The following SPTBN1 variants were observed in gnomAD, a reference collection of about 807,000 sequenced individuals.
The protein encoded by SPTBN1 is spectrin beta, non-erythrocytic 1, also known as spectrin beta chain, non-erythrocytic 1.
A neutral mutation model predicts 266.4 loss-of-function variants in SPTBN1; 32 were observed. The observed-to-expected ratio is 0.12, with a 90% CI of 0.09 to 0.16. SPTBN1 has a LOEUF of 0.16. Ranked by LOEUF, SPTBN1 falls within the 10% of genes least tolerant of loss-of-function variation. The probability of loss-of-function intolerance (pLI) is 1.00; values close to 1 mark genes in which losing one functional copy is unlikely to be tolerated. For missense variants in SPTBN1, 2,296 were observed against 3,067.1 expected (o/e 0.75, Z 5.94); for synonymous variants, 1,336 against 1,162.2 (o/e 1.15, Z -3.04).
chr2:54,474,927 C>G (rs1340055079), intron 1 of SPTBN1, among the ~76,000 whole-genome samples: 1 of 152,138 alleles, frequency 6.6e-6, no homozygotes. Flanking sequence ...AATCCCAGCA[C>G]TTTGGGAGGC....
At chr2:54,587,585 G>A (rs1023215098) in intron 2 of SPTBN1, among the ~76,000 whole-genome samples, 2 of 152,278 alleles carry the variant, frequency 1.3e-5, no homozygotes, top group South Asian at 2.1e-4. Flanking sequence ...CCCTTCCATG[G>A]AGGACTGGAG....
intron 1 of SPTBN1, among the ~76,000 whole-genome samples, chr2:54,512,087 A>G (rs1219674477): frequency 1.3e-5 from 2 of 152,188 alleles, no homozygotes; most frequent in Admixed American, 6.5e-5. Flanking sequence ...CTGTAATGCC[A>G]CCATGAATCT....
Position 54,533,420 on chromosome 2 carries a change from C to T in SPTBN1, c.148+6854C>T, listed in dbSNP as rs369576966. On this transcript the variant is annotated intron_variant, in intron 2 of 35. Coordinates refer to ENST00000356805, the MANE Select transcript of SPTBN1 (RefSeq NM_003128.3). The surrounding 1 kb of genome is among the most constrained non-coding windows in gnomAD (Gnocchi z 4.2). Reference sequence around the variant, plus strand: ...TCTAAACCATTTGACTTCTAGTGAACGAACAGAGCCAACCTCTTCCTGAAT... The same window carrying T: ...TCTAAACCATTTGACTTCTAGTGAATGAACAGAGCCAACCTCTTCCTGAAT... 1.3e-5 allele frequency among the ~76,000 whole-genome samples: 2 copies of T among 149,494 alleles called. No individual in the cohort carries two copies. Among genetic ancestry groups the T allele is most frequent in the Non-Finnish European group, 3.0e-5 (2 of 67,556 alleles).
chr2:54,653,594 T>C lies in SPTBN1; in HGVS notation c.5578-15T>C, dbSNP rs2104143250. ...CCATGGGCTGACCTGGCTCATCCCC[T>C]ACATGGCTTCACAGGTGAGGCAGCT... On this transcript the variant is annotated splice_polypyrimidine_tract_variant and intron_variant, in intron 26 of 35. Coordinates refer to ENST00000356805, the MANE Select transcript of SPTBN1 (RefSeq NM_003128.3). This position sits in a 1 kb window ranked among gnomAD's most constrained non-coding sequence, Gnocchi z 5.1. 1.2e-6 allele frequency: 2 copies of C among 1,612,644 alleles called. No homozygotes were observed. The highest frequency in any genetic ancestry group is 1.3e-5 in the African/African-American group (1 of 74,942).
rs201593292 is a variant in SPTBN1 at position 54,659,166 on chromosome 2, G to C, written c.6256G>C (p.Glu2086Gln). Residue 2086 changes from glutamate to glutamine, a missense_variant, in exon 31 of 36, where the codon GAA becomes CAA. Physicochemically the swap from Glu to Gln is conservative, Grantham distance 29. This residue lies in a region of SPTBN1 where 347 missense variants were observed against 368.5 expected (regional missense o/e 0.94). Transcript: ENST00000356805. ...TATTTTCTCTTAGTTGGAGTTACTG[G>C]AAGTGCGCAGACAGCAAGAGGAAGA... ...LERLTTLELL[E>Q]VRRQQEEEER... 24 of 1,614,014 alleles carry C rather than the reference G, an allele frequency of 1.5e-5. No individual in the cohort carries two copies. Among genetic ancestry groups the C allele is most frequent in the Non-Finnish European group, 2.0e-5 (24 of 1,179,960 alleles).
chr2:54,466,956 T>G (rs906774161), intron 1 of SPTBN1, among the ~76,000 whole-genome samples: 1 of 152,210 alleles, frequency 6.6e-6, no homozygotes, highest in African/African-American at 2.4e-5. Flanking sequence ...GTTACAGCCT[T>G]GGCAGTTCAT....
chr2:54,530,353 C>CTTTT lies in SPTBN1; in HGVS notation c.148+3807_148+3810dup, dbSNP rs549491367. 5.0e-3 allele frequency among the ~76,000 whole-genome samples: 367 copies of CTTTT among 73,860 alleles called. 60 individuals carry two copies. Among genetic ancestry groups the CTTTT allele is most frequent in the African/African-American group, 0.015 (281 of 18,902 alleles). 48.5% of individuals were successfully genotyped at this position (73,860 alleles called of 152,430 possible). A position where few individuals can be genotyped will look rare whatever the true frequency, so the allele number is the denominator to read the frequency against. ...TAGGTTATCTGTGAATTGTAAAAAA[C>CTTTT]TTTTTTTTTTTTTTTTTTTTTTTGA... On this transcript the variant is annotated intron_variant, in intron 2 of 35. Coordinates refer to ENST00000356805, the MANE Select transcript of SPTBN1 (RefSeq NM_003128.3).
At chr2:54,618,728 A>G (rs1677801820) in intron 7 of SPTBN1, among the ~76,000 whole-genome samples, 3 of 152,202 alleles carry the variant, frequency 2.0e-5, no homozygotes, top group Admixed American at 2.0e-4. Context: ...GGGCCTTGTT[A>G]GGAGGCTGTG....
intron 2 of SPTBN1, among the ~76,000 whole-genome samples, chr2:54,581,140 A>G (rs1674869724): frequency 6.6e-6 from 1 of 152,100 alleles, no homozygotes; most frequent in African/African-American, 2.4e-5. Context: ...CACACACTTT[A>G]TATATTTTTA....
chr2:54,484,211 C>G (rs1168028279), intron 1 of SPTBN1, among the ~76,000 whole-genome samples: 4 of 152,140 alleles, frequency 2.6e-5, no homozygotes, highest in African/African-American at 9.7e-5. Context: ...CCAAATATGT[C>G]TGTTGGCAAG....
chr2:54,580,361 T>C (rs1019458277), intron 2 of SPTBN1, among the ~76,000 whole-genome samples: 2 of 152,192 alleles, frequency 1.3e-5, no homozygotes, highest in African/African-American at 4.8e-5. Flanking sequence ...ACCAGTAATA[T>C]TTAGAGGCTT....
At chr2:54,650,717 C>T (rs537201691) in intron 26 of SPTBN1, among the ~76,000 whole-genome samples, 9 of 152,298 alleles carry the variant, frequency 5.9e-5, no homozygotes, top group Non-Finnish European at 1.2e-4. Context: ...TAGTGTTTTT[C>T]GCTTTATGAG....
In SPTBN1 at chr2:54,594,833, C is replaced by CTTTTTTTTTTT. The variant is rs71408777; in HGVS notation, c.149-4251_149-4241dup. ...GATTCCATGACCCTCTGGTAAGTTT[C>CTTTTTTTTTTT]TTTTTTTTTTTTTTTTTTGAGACAG... is the stretch of plus-strand genomic sequence containing the variant. On this transcript the variant is annotated intron_variant, in intron 2 of 35. Coordinates refer to ENST00000356805, the MANE Select transcript of SPTBN1 (RefSeq NM_003128.3). Among the ~76,000 whole-genome samples the CTTTTTTTTTTT allele has an allele frequency of 7.5e-3, 780 of 104,610 alleles. 92 individuals are homozygous for CTTTTTTTTTTT. Among genetic ancestry groups the CTTTTTTTTTTT allele is most frequent in the African/African-American group, 0.024 (471 of 19,754 alleles). The allele number at this position is 104,610 out of a possible 152,430, so 68.6% of individuals were successfully genotyped here.
chr2:54,665,862 G>C, intron 33 of SPTBN1, 53 bp from the exon 34 acceptor site: 3 of 1,551,094 alleles, frequency 1.9e-6, no homozygotes, highest in Non-Finnish European at 2.6e-6. Context: ...GTTCTTTAAG[G>C]GGAATGTGGT....
intron 3 of SPTBN1, among the ~76,000 whole-genome samples, chr2:54,609,711 G>A (rs1238406446): frequency 6.6e-6 from 1 of 152,066 alleles, no homozygotes; most frequent in African/African-American, 2.4e-5. Context: ...CTGGGTGGGG[G>A]CATTATCCAA....
chr2:54,552,886 C>T (rs1045727327), intron 2 of SPTBN1, among the ~76,000 whole-genome samples: 3 of 152,290 alleles, frequency 2.0e-5, no homozygotes, highest in Admixed American at 1.3e-4. Context: ...TAGTGTGAGT[C>T]GTGAGGGGAG....
intron 10 of SPTBN1, 108 bp downstream of exon 10, chr2:54,623,704 A>G (rs1162484425): frequency 6.9e-6 from 6 of 871,906 alleles, no homozygotes; most frequent in Non-Finnish European, 1.1e-5. Flanking sequence ...GGCTGTCCCC[A>G]CCTGCCGAAT....
chr2:54,566,074 C>T (rs1223922102), intron 2 of SPTBN1, among the ~76,000 whole-genome samples: 1 of 152,122 alleles, frequency 6.6e-6, no homozygotes, highest in African/African-American at 2.4e-5. Context: ...CTTGTAGATC[C>T]TAGTGCCTTT....
chr2:54,663,569 G>A (rs1681189133), intron 32 of SPTBN1: 1 of 152,232 alleles, frequency 6.6e-6, no homozygotes, highest in Non-Finnish European at 1.5e-5. Context: ...GACGTCTCCA[G>A]CCTGAAGGGT....
Sources: allele counts gnomAD v4.1 joint callset (sites outside exome capture counted in the v4.1 genomes callset), GRCh38; gene constraint gnomAD v4.1.1; regional missense constraint gnomAD v4.1.1; non-coding constraint Gnocchi (gnomAD v3.1); transcripts MANE v1.5; gene names NCBI Gene and HGNC (gene_info 2026-07-23, HGNC 2026-07-21).